Variants in PTGR1 observed in about 807,000 individuals in gnomAD.
The protein encoded by PTGR1 is prostaglandin reductase 1.
Under a neutral mutation model 37.7 loss-of-function variants are expected in PTGR1, and 23 were observed. The ratio of observed to expected loss-of-function variants is 0.61; its 90% CI spans 0.44 to 0.86. The LOEUF is 0.86. Ranked by LOEUF, PTGR1 falls within the 40% of genes least tolerant of loss-of-function variation. The pLI, the probability that PTGR1 is intolerant of heterozygous loss-of-function variation, is 0.00. For missense variants in PTGR1, 351 were observed against 394.3 expected (o/e 0.89, Z 0.93); for synonymous variants, 134 against 140.0 (o/e 0.96, Z 0.30).
chr9:111,597,067 A>C (rs1376280709), intron 2 of PTGR1, among the ~76,000 whole-genome samples: 1 of 152,190 alleles, frequency 6.6e-6, no homozygotes, highest in East Asian at 1.9e-4. Context: ...GAACTAAGGC[A>C]TGCACCCCAA....
intron 9 of PTGR1, among the ~76,000 whole-genome samples, chr9:111,568,395 A>G (rs1828668281): frequency 6.6e-6 from 1 of 152,162 alleles, no homozygotes; most frequent in Non-Finnish European, 1.5e-5. Context: ...GGGTGGGGGA[A>G]AAACTCCGCC....
At chr9:111,579,136 A>G (rs979221141) in intron 6 of PTGR1, among the ~76,000 whole-genome samples, 185 bp from the exon 7 acceptor site, 1 of 151,588 alleles carries the variant, frequency 6.6e-6, no homozygotes, top group African/African-American at 2.4e-5. Context: ...GGACCATCCT[A>G]CAACTCAGCT....
rs745322279 is a variant in PTGR1 at position 111,564,394 on chromosome 9, C to G, written c.880-1163G>C. 8.1e-5 allele frequency: 21 copies of G among 259,380 alleles called. 1 individual carries two copies. The highest frequency in any genetic ancestry group is 1.4e-4 in the Non-Finnish European group (21 of 153,412). 16.1% of individuals were successfully genotyped at this position (259,380 alleles called of 1,614,324 possible). On this transcript the variant is annotated intron_variant, in intron 9 of 9. Coordinates refer to ENST00000407693, the MANE Select transcript of PTGR1 (RefSeq NM_001146108.2). ...AATCATAGCTCACTGCAGTCTCAAC[C>G]TCCTGGGCTCCAGTGATCCTTCTGC... is the stretch of plus-strand genomic sequence containing the variant.
At chr9:111,572,369 C>T (rs1416417781) in intron 8 of PTGR1, among the ~76,000 whole-genome samples, 2 of 151,992 alleles carry the variant, frequency 1.3e-5, no homozygotes, top group African/African-American at 4.8e-5. Flanking sequence ...CTGAAGGGAG[C>T]AGATCACGAG....
At chr9:111,558,807 C>T (rs1828195094), downstream of PTGR1, among the ~76,000 whole-genome samples, 1 of 152,002 alleles carries the variant, frequency 6.6e-6, no homozygotes, top group East Asian at 1.9e-4. Context: ...CATACCAATA[C>T]CTCCAATTCC....
chr9:111,568,158 C>A (rs1157110777), intron 9 of PTGR1, among the ~76,000 whole-genome samples: 1 of 152,154 alleles, frequency 6.6e-6, no homozygotes, highest in East Asian at 1.9e-4. Flanking sequence ...TTGGGAAAAA[C>A]ACAGCCATAT....
chr9:111,569,631 G>T (rs1182069908), intron 9 of PTGR1, among the ~76,000 whole-genome samples: 1 of 152,142 alleles, frequency 6.6e-6, no homozygotes, highest in Non-Finnish European at 1.5e-5. Context: ...TGGGCGTGGT[G>T]GTACACACCT....
chr9:111,591,122 T>G (rs1316263810), intron 4 of PTGR1, among the ~76,000 whole-genome samples: 1 of 151,782 alleles, frequency 6.6e-6, no homozygotes, highest in African/African-American at 2.4e-5. Flanking sequence ...AGAAACCCCA[T>G]CTCTACTAAA....
intron 4 of PTGR1, among the ~76,000 whole-genome samples, chr9:111,589,932 G>A (rs1420194004): frequency 6.6e-6 from 1 of 152,130 alleles, no homozygotes; most frequent in Non-Finnish European, 1.5e-5. Flanking sequence ...ACTGCCCCCG[G>A]CATGAATAAA....
chr9:111,589,081 C>T (rs73535499), intron 4 of PTGR1, among the ~76,000 whole-genome samples: 2,469 of 152,334 alleles, frequency 0.016, 73 homozygotes, highest in African/African-American at 0.056. Context: ...CCAACTTCCA[C>T]TTCCACCATC....
chr9:111,580,797 C>T (rs527661927), intron 6 of PTGR1, among the ~76,000 whole-genome samples: 4 of 149,776 alleles, frequency 2.7e-5, no homozygotes, highest in Admixed American at 6.7e-5. Context: ...CAATCTTTGT[C>T]GATGCATCAA....
chr9:111,584,430 G>C (rs988963948), intron 5 of PTGR1, among the ~76,000 whole-genome samples: 3 of 152,346 alleles, frequency 2.0e-5, no homozygotes, highest in African/African-American at 7.2e-5. Flanking sequence ...CCCACTAATT[G>C]AATGTAAGAA....
chr9:111,558,964 C>G (rs1165920992), downstream of PTGR1, among the ~76,000 whole-genome samples: 1 of 152,134 alleles, frequency 6.6e-6, no homozygotes, highest in African/African-American at 2.4e-5. Flanking sequence ...CCCTCTCCTG[C>G]AGATGCTCCT....
rs1443673387 is a variant in PTGR1 at position 111,562,952 on chromosome 9, A to G, written c.*169T>C. On this transcript the variant is annotated 3_prime_UTR_variant, in exon 10 of 10. Transcript: ENST00000407693. ...GGTTGTTGTTGACTTTGAAACTTCC[A>G]TCCTCCATCACTAATTACATACCAC... is the stretch of plus-strand genomic sequence containing the variant. 1.4e-6 allele frequency: 2 copies of G among 1,390,606 alleles called. No homozygotes were observed. Among genetic ancestry groups the G allele is most frequent in the African/African-American group, 2.9e-5 (2 of 69,090 alleles). The allele number at this position is 1,390,606 out of a possible 1,614,324, so 86.1% of individuals were successfully genotyped here.
intron 4 of PTGR1, 87 bp from the exon 5 acceptor site, chr9:111,586,252 CAA>C: frequency 7.7e-7 from 1 of 1,292,876 alleles, no homozygotes; most frequent in Admixed American, 1.8e-5. Context: ...TTAGTGTTGA[CAA>C]AAGTGCACTG....
At chr9:111,559,746 A>AC (rs1828222009), downstream of PTGR1, among the ~76,000 whole-genome samples, 1 of 151,996 alleles carries the variant, frequency 6.6e-6, no homozygotes, top group Non-Finnish European at 1.5e-5. Context: ...AGGTTCTCCC[A>AC]CCCCAAACCC....
At chr9:111,597,242 G>T in intron 2 of PTGR1, 75 bp downstream of exon 2, 1 of 1,121,690 alleles carries the variant, frequency 8.9e-7, no homozygotes. Flanking sequence ...ACTAAACTTT[G>T]GGGTAGTTTG....
At chr9:111,560,497 C>T (rs1395054918), downstream of PTGR1, among the ~76,000 whole-genome samples, 5 of 147,600 alleles carry the variant, frequency 3.4e-5, no homozygotes, top group African/African-American at 1.0e-4. Flanking sequence ...AAAGATCAGC[C>T]GGGCATGGTG....
At chr9:111,594,394 A>AGGCAG in intron 2 of PTGR1, 127 bp from the exon 3 acceptor site, 3 of 768,120 alleles carry the variant, frequency 3.9e-6, no homozygotes, top group Non-Finnish European at 6.8e-6. Flanking sequence ...ATGAGGTACC[A>AGGCAG]TGCTCACTGC....
Sources: gnomAD v4.1 joint callset for allele counts (sites outside exome capture counted in the v4.1 genomes callset) on GRCh38, gnomAD v4.1.1 for gene constraint, MANE v1.5 for transcripts, NCBI Gene and HGNC (gene_info 2026-07-23, HGNC 2026-07-21) for gene names.